Variants in ZC3H7B observed in about 807,000 individuals in gnomAD.
ZC3H7B encodes zinc finger CCCH-type containing 7B, also known as zinc finger CCCH domain-containing protein 7B.
ZC3H7B carries 35 observed loss-of-function variants against 116.0 expected under a neutral mutation model. The observed-to-expected ratio is 0.30, with a 90% CI of 0.23 to 0.40. The LOEUF (loss-of-function observed/expected upper bound fraction) is 0.40, where lower values mean the gene tolerates loss of function less well. ZC3H7B is among the 10% of genes least tolerant of loss of function. The pLI, the probability that ZC3H7B is intolerant of heterozygous loss-of-function variation, is 1.00. For synonymous variants in ZC3H7B, 502 were observed against 545.6 expected, an observed-to-expected ratio of 0.92 and a Z score of 1.11; for missense variants, 1,011 against 1,321.5, an observed-to-expected ratio of 0.77 and a Z score of 3.64.
intron 1 of ZC3H7B, among the ~76,000 whole-genome samples, chr22:41,310,600 G>C (rs2036104951): frequency 6.6e-6 from 1 of 152,174 alleles, no homozygotes; most frequent in South Asian, 2.1e-4. Flanking sequence ...TGCTCAAGAG[G>C]AACAGGGTAT....
At chr22:41,318,524 G>A (rs1340497451) in intron 1 of ZC3H7B, among the ~76,000 whole-genome samples, 10 of 59,046 alleles carry the variant, frequency 1.7e-4, no homozygotes, top group African/African-American at 5.1e-4. Context: ...GCAAGACTCC[G>A]CCTCAAAAAA....
intron 1 of ZC3H7B, among the ~76,000 whole-genome samples, chr22:41,320,315 G>A (rs1315161062): frequency 6.6e-6 from 1 of 150,448 alleles, no homozygotes; most frequent in African/African-American, 2.5e-5. Context: ...CTGGGTAACA[G>A]GGGAGACTCT....
chr22:41,325,665 G>A, intron 3 of ZC3H7B, 56 bp from the exon 4 acceptor site: 1 of 1,608,040 alleles, frequency 6.2e-7, no homozygotes. Flanking sequence ...GCGTGGGCCG[G>A]GTGCCAGAGC....
In ZC3H7B at chr22:41,357,100, A is replaced by T; in HGVS notation, c.2682-77A>T. 6.4e-7 allele frequency: 1 copy of T among 1,562,252 alleles called. No individual in the cohort carries two copies. The highest frequency in any genetic ancestry group is 8.6e-7 in the Non-Finnish European group (1 of 1,158,610). Reference sequence around the variant, plus strand: ...GGAGAGGCTTGTCTTCGGGGAGGTCAAGCGGCCGGCCCCAGATGGACAGCC... The same window carrying T: ...GGAGAGGCTTGTCTTCGGGGAGGTCTAGCGGCCGGCCCCAGATGGACAGCC... On this transcript the variant is annotated intron_variant, in intron 22 of 22. Coordinates refer to ENST00000352645, the MANE Select transcript of ZC3H7B (RefSeq NM_017590.6). The surrounding 1 kb of genome is among the most constrained non-coding windows in gnomAD (Gnocchi z 5.4).
At chr22:41,340,850 T>C (rs769175902) in intron 10 of ZC3H7B, among the ~76,000 whole-genome samples, 3 of 152,132 alleles carry the variant, frequency 2.0e-5, no homozygotes, top group Non-Finnish European at 4.4e-5. Flanking sequence ...GGCTTTCTCC[T>C]ACGGGCAGCG....
chr22:41,351,427 G>T lies in ZC3H7B; in HGVS notation c.1949-134G>T, dbSNP rs183487552. On this transcript the variant is annotated intron_variant, in intron 16 of 22. Coordinates refer to ENST00000352645, the MANE Select transcript of ZC3H7B (RefSeq NM_017590.6). The surrounding 1 kb of genome is among the most constrained non-coding windows in gnomAD (Gnocchi z 5.1). ...ACAAAGTGGTTCCCTTGTACCCCATGTCTTACTGTGGCTGGGCTGAGAATA... is the reference window on the plus strand; with the variant it reads ...ACAAAGTGGTTCCCTTGTACCCCATTTCTTACTGTGGCTGGGCTGAGAATA... The T allele has an allele frequency of 6.1e-4, 427 of 701,706 alleles. 2 individuals are homozygous for T. Among genetic ancestry groups the T allele is most frequent in the African/African-American group, 5.5e-3 (308 of 55,640 alleles). The allele number at this position is 701,706 out of a possible 1,614,324, so 43.5% of individuals were successfully genotyped here.
chr22:41,331,230 C>CG (rs1569236432), intron 6 of ZC3H7B, among the ~76,000 whole-genome samples: 1 of 141,554 alleles, frequency 7.1e-6, no homozygotes, highest in Non-Finnish European at 1.5e-5. Flanking sequence ...GCCTGGGCAA[C>CG]GAGCGAAACT....
chr22:41,313,353 C>T (rs2036142909), intron 1 of ZC3H7B, among the ~76,000 whole-genome samples: 1 of 152,112 alleles, frequency 6.6e-6, no homozygotes, highest in South Asian at 2.1e-4. Context: ...ACCTCGTGAT[C>T]CGCCCACCTT....
intron 20 of ZC3H7B, 44 bp from the exon 21 acceptor site, chr22:41,356,299 G>A (rs2036716278): frequency 2.7e-5 from 44 of 1,608,442 alleles, no homozygotes; most frequent in Non-Finnish European, 3.6e-5. Flanking sequence ...CAGAATGGAT[G>A]GAGAAGCCCC....
rs376681831 is a variant in ZC3H7B, at chr22:41,357,661, C to G, written c.*232C>G. 5.0e-6 allele frequency: 3 copies of G among 605,638 alleles called. No individual in the cohort carries two copies. The highest frequency in any genetic ancestry group is 3.7e-5 in the African/African-American group (2 of 53,980). 37.5% of individuals were successfully genotyped at this position (605,638 alleles called of 1,614,324 possible). A position where few individuals can be genotyped will look rare whatever the true frequency, so the allele number is the denominator to read the frequency against. ...GCTGAAACCTGGGCTGCCCTTCCCC[C>G]ACCCCCACGGCTCTCCTGGTTGAGG... On this transcript the variant is annotated 3_prime_UTR_variant, in exon 23 of 23. Coordinates refer to ENST00000352645, the MANE Select transcript of ZC3H7B (RefSeq NM_017590.6). The surrounding 1 kb of genome is among the most constrained non-coding windows in gnomAD (Gnocchi z 5.4).
chr22:41,315,978 T>C (rs998078180), intron 1 of ZC3H7B, among the ~76,000 whole-genome samples: 2 of 151,878 alleles, frequency 1.3e-5, no homozygotes, highest in Non-Finnish European at 2.9e-5. Context: ...ACATTCATTC[T>C]ATCCAAATAG....
At chr22:41,348,856 G>C (rs1387106607) in intron 15 of ZC3H7B, among the ~76,000 whole-genome samples, 1 of 152,232 alleles carries the variant, frequency 6.6e-6, no homozygotes, top group Non-Finnish European at 1.5e-5. Context: ...GGAAACCTGA[G>C]GGCGGTGCCC....
chr22:41,355,238 G>A (rs1292175250), intron 17 of ZC3H7B, among the ~76,000 whole-genome samples: 1 of 152,216 alleles, frequency 6.6e-6, no homozygotes, highest in African/African-American at 2.4e-5. Context: ...CTCCCAGGGA[G>A]TTGGGCGAGG....
chr22:41,347,323 A>T (rs2036599147), intron 14 of ZC3H7B, among the ~76,000 whole-genome samples: 1 of 152,176 alleles, frequency 6.6e-6, no homozygotes, highest in South Asian at 2.1e-4. Context: ...CCTCCTCCAC[A>T]TGCCTTTCCT....
At position 41,356,457 on chromosome 22, in the gene ZC3H7B, C is replaced by T. The variant is rs1031873824; in HGVS notation, c.2498C>T (p.Thr833Met). 8 of 1,613,972 alleles carry T rather than the reference C, an allele frequency of 5.0e-6. No individual in the cohort carries two copies. The highest frequency in any genetic ancestry group is 4.0e-5 in the African/African-American group (3 of 74,948). ...REGEKQIQMP[T>M]DYADIMMGYH... is the part of the protein sequence containing the mutation. Reference sequence around the variant, plus strand: ...GGGGAGAAGCAGATCCAGATGCCCACGGACTACGCGGACATCATGGTAACG... The same window carrying T: ...GGGGAGAAGCAGATCCAGATGCCCATGGACTACGCGGACATCATGGTAACG... Residue 833 changes from threonine (T) to methionine (M), a missense_variant, in exon 21 of 23, where the codon ACG (threonine) becomes ATG (methionine). Transcript: ENST00000352645.
rs1388494071 is a variant in ZC3H7B, at chr22:41,349,148, T to A, written c.1795T>A (p.Ser599Thr). The change falls in exon 16 of 23, where the codon TCC (serine) becomes ACC (threonine). Residue 599 changes from serine to threonine, a missense_variant. By Grantham distance (58) the Ser-to-Thr change is moderately conservative. Around this residue, in one of 5 missense-constraint regions of ZC3H7B, gnomAD observed 406 missense variants for 590.2 expected, o/e 0.69. Coordinates refer to ENST00000352645, the MANE Select transcript of ZC3H7B (RefSeq NM_017590.6). This position sits in a 1 kb window ranked among gnomAD's most constrained non-coding sequence, Gnocchi z 4.9. ...KCLVHIVRST[S>T]LKYSKIRQFQ... is the part of the protein sequence containing the mutation. ...CCTGGTGCACATCGTCCGCTCCACC[T>A]CCCTCAAGTACTCCAAGATCCGCCA... 3.7e-6 allele frequency: 6 copies of A among 1,613,694 alleles called. No homozygotes were observed. The South Asian group carries it at 6.6e-5, about 18-fold the overall frequency.
At chr22:41,308,169 A>T (rs538124918) in intron 1 of ZC3H7B, among the ~76,000 whole-genome samples, 3 of 152,144 alleles carry the variant, frequency 2.0e-5, no homozygotes, top group African/African-American at 7.2e-5. Flanking sequence ...GGTTTGTGTT[A>T]CTGAAGTGCT....
chr22:41,311,628 A>G (rs2036119749), intron 1 of ZC3H7B, among the ~76,000 whole-genome samples: 1 of 152,074 alleles, frequency 6.6e-6, no homozygotes, highest in Non-Finnish European at 1.5e-5. Flanking sequence ...CCAGAAGATA[A>G]GAGATATGAG....
At chr22:41,323,291 T>C (rs1440083463) in intron 2 of ZC3H7B, among the ~76,000 whole-genome samples, 2 of 152,140 alleles carry the variant, frequency 1.3e-5, no homozygotes, top group African/African-American at 4.8e-5. Flanking sequence ...CTCTCCCATT[T>C]TGGGGAGTGA....
Sources: allele counts gnomAD v4.1 joint callset (sites outside exome capture counted in the v4.1 genomes callset), GRCh38; gene constraint gnomAD v4.1.1; regional missense constraint gnomAD v4.1.1; non-coding constraint Gnocchi (gnomAD v3.1); transcripts MANE v1.5; gene names NCBI Gene and HGNC (gene_info 2026-07-23, HGNC 2026-07-21).